The following EFNA2 variants were observed in gnomAD, a reference collection of about 807,000 sequenced individuals.
The protein encoded by EFNA2 is ephrin A2, also known as ephrin-A2.
In EFNA2, 18 loss-of-function variants were observed where a neutral mutation model predicts 19.7. The ratio of observed to expected loss-of-function variants is 0.91; its 90% CI spans 0.63 to 1.35. The LOEUF (loss-of-function observed/expected upper bound fraction) is 1.35, where lower values mean the gene tolerates loss of function less well. Ranked by LOEUF, EFNA2 falls within the 40% of genes most tolerant of loss-of-function variation. EFNA2 has a pLI of 0.00. For missense variants in EFNA2, 303 were observed against 296.0 expected, an observed-to-expected ratio of 1.02 and a Z score of -0.17; for synonymous variants, 187 against 137.8, an observed-to-expected ratio of 1.36 and a Z score of -2.50.
At chr19:1,289,619 G>A (rs1354468910) in intron 1 of EFNA2, among the ~76,000 whole-genome samples, 1 of 152,218 alleles carries the variant, frequency 6.6e-6, no homozygotes, top group Admixed American at 6.5e-5. Context: ...GGGGGCACTG[G>A]GTGGGCGCTT....
chr19:1,295,435 C>T lies in EFNA2; in HGVS notation c.141-110C>T, dbSNP rs576936350. 9.9e-4 allele frequency: 1,173 copies of T among 1,186,098 alleles called. No individual in the cohort carries two copies. The highest frequency in any genetic ancestry group is 1.1e-3 in the Non-Finnish European group (988 of 887,804). The allele number at this position is 1,186,098 out of a possible 1,614,324, so 73.5% of individuals were successfully genotyped here. Reference sequence around the variant, plus strand: ...TGACCCCGGCCCTCGCCGCGCACCCCGACCCGTCCCTCGTGCTCCTGTCCC... The same window carrying T: ...TGACCCCGGCCCTCGCCGCGCACCCTGACCCGTCCCTCGTGCTCCTGTCCC... On this transcript the variant is annotated intron_variant, in intron 1 of 3. Coordinates refer to ENST00000215368, the MANE Select transcript of EFNA2 (RefSeq NM_001405.4). This position sits in a 1 kb window ranked among gnomAD's most constrained non-coding sequence, Gnocchi z 5.8.
At position 1,296,120 on chromosome 19, in the gene EFNA2, T is replaced by C. The variant is rs555017839; in HGVS notation, c.454+262T>C. ...TCACTGACCCCCTCCAGATGTCAAG[T>C]GCATGATGGACGTGCCATTCTCCCA... On this transcript the variant is annotated intron_variant, in intron 2 of 3. Coordinates refer to ENST00000215368, the MANE Select transcript of EFNA2 (RefSeq NM_001405.4). This position sits in a 1 kb window ranked among gnomAD's most constrained non-coding sequence, Gnocchi z 4.4. Among the ~76,000 whole-genome samples the C allele has an allele frequency of 5.3e-5, 8 of 152,280 alleles. No individual in the cohort carries two copies. The highest frequency in any genetic ancestry group is 1.9e-4 in the African/African-American group (8 of 41,558).
chr19:1,300,040 G>C lies in EFNA2; in HGVS notation c.*95G>C, dbSNP rs2081533759. 2 of 1,438,874 alleles carry C rather than the reference G, an allele frequency of 1.4e-6. No homozygotes were observed. The highest frequency in any genetic ancestry group is 2.5e-5 in the Admixed American group (1 of 39,434). 89.1% of individuals were successfully genotyped at this position (1,438,874 alleles called of 1,614,324 possible). On this transcript the variant is annotated 3_prime_UTR_variant, in exon 4 of 4. Transcript: ENST00000215368. The stretch of plus-strand genomic sequence containing the variant: ...ACCCGGCTGCGGCCCCCGCCTCCGA[G>C]ACCAAATAGAGACGCTGCTTCTCCC...
In EFNA2 at chr19:1,299,911, C is replaced by T; in HGVS notation, c.608C>T (p.Thr203Ile). ...SPGGCRLFLS[T>I]IPVLWTLLGS ...GGCGGCTGCCGCCTCTTCCTCAGCA[C>T]CATCCCCGTGCTCTGGACCCTCCTG... Residue 203 changes from threonine to isoleucine, a missense_variant, in exon 4 of 4, where the codon ACC becomes ATC. By Grantham distance (89) the Thr-to-Ile change is moderately conservative. Coordinates refer to ENST00000215368, the MANE Select transcript of EFNA2 (RefSeq NM_001405.4). 1 of 1,605,134 alleles carries T rather than the reference C, an allele frequency of 6.2e-7. No homozygotes were observed. Among genetic ancestry groups the T allele is most frequent in the African/African-American group, 1.3e-5 (1 of 74,990 alleles).
rs2081513920 is a variant in EFNA2 at position 1,296,043 on chromosome 19, G to A, written c.454+185G>A. Among the ~76,000 whole-genome samples the A allele has an allele frequency of 6.6e-6, 1 of 150,930 alleles. No individual in the cohort carries two copies. Among genetic ancestry groups the A allele is most frequent in the Non-Finnish European group, 1.5e-5 (1 of 67,564 alleles). Reference sequence around the variant, plus strand: ...GCGGAATGGGGCCAGGGGGGAGTGGGCGGGGCCGCGGAGTGGGGCCAGGGC... The same window carrying A: ...GCGGAATGGGGCCAGGGGGGAGTGGACGGGGCCGCGGAGTGGGGCCAGGGC... On this transcript the variant is annotated intron_variant, in intron 2 of 3. Coordinates refer to ENST00000215368, the MANE Select transcript of EFNA2 (RefSeq NM_001405.4). The surrounding 1 kb of genome is among the most constrained non-coding windows in gnomAD (Gnocchi z 4.4).
In EFNA2 at chr19:1,287,456, C is replaced by A. The variant is rs1241717671; in HGVS notation, c.140+1148C>A. Among the ~76,000 whole-genome samples the A allele has an allele frequency of 6.6e-6, 1 of 152,194 alleles. No individual in the cohort carries two copies. The highest frequency in any genetic ancestry group is 1.5e-5 in the Non-Finnish European group (1 of 68,028). On this transcript the variant is annotated intron_variant, in intron 1 of 3. Transcript: ENST00000215368. The surrounding 1 kb of genome is among the most constrained non-coding windows in gnomAD (Gnocchi z 6.2). ...CTTCCTGTGCCGACCGAGCCGCCCT[C>A]TGGAGCCCGCCACCCCTCCTTGTCC...
chr19:1,295,919 C>A lies in EFNA2; in HGVS notation c.454+61C>A. 1 of 1,270,320 alleles carries A rather than the reference C, an allele frequency of 7.9e-7. No homozygotes were observed. The highest frequency in any genetic ancestry group is 1.1e-6 in the Non-Finnish European group (1 of 949,422). 78.7% of individuals were successfully genotyped at this position (1,270,320 alleles called of 1,614,324 possible). Reference sequence around the variant, plus strand: ...GTGGGCGGGGACGCGGGGGCGGGGCCAGGAAGTGGGCGGGACCACTGGGGT... The same window carrying A: ...GTGGGCGGGGACGCGGGGGCGGGGCAAGGAAGTGGGCGGGACCACTGGGGT... On this transcript the variant is annotated intron_variant, in intron 2 of 3. Transcript: ENST00000215368. This position sits in a 1 kb window ranked among gnomAD's most constrained non-coding sequence, Gnocchi z 5.8.
At position 1,299,820 on chromosome 19, in the gene EFNA2, G is replaced by T; in HGVS notation, c.521-4G>T. ...GCTGAGCGTGCTGTCTCTGCCACCC[G>T]CAGACGAGACCCTGTACGAGGCTCC... On this transcript the variant is annotated splice_polypyrimidine_tract_variant and splice_region_variant and intron_variant, in intron 3 of 3. Transcript: ENST00000215368. 1 of 1,598,056 alleles carries T rather than the reference G, an allele frequency of 6.3e-7. No homozygotes were observed. Among genetic ancestry groups the T allele is most frequent in the Non-Finnish European group, 8.5e-7 (1 of 1,175,758 alleles).
rs763370528 is a variant in EFNA2, at chr19:1,299,849, G to A, written c.546G>A (p.Glu182=). 2 of 1,604,184 alleles carry A rather than the reference G, an allele frequency of 1.2e-6. No individual in the cohort carries two copies. The highest frequency in any genetic ancestry group is 1.7e-6 in the Non-Finnish European group (2 of 1,177,784). The part of the protein sequence containing the change: ...PTNETLYEAP[E]PIFTSNNSCS... ...ACGAGACCCTGTACGAGGCTCCTGA[G>A]CCCATCTTCACCAGCAATAACTCGT... Residue 182 remains glutamate (E), a synonymous_variant, in exon 4 of 4, where the codon GAG becomes GAA. Transcript: ENST00000215368.
intron 1 of EFNA2, among the ~76,000 whole-genome samples, chr19:1,290,511 G>A (rs1193082807): frequency 2.6e-5 from 4 of 152,194 alleles, no homozygotes; most frequent in Admixed American, 6.5e-5. Context: ...TGGGTCCCTC[G>A]GGGTCACGGC....
chr19:1,298,649 C>A, intron 3 of EFNA2, 33 bp downstream of exon 3: 1 of 1,610,028 alleles, frequency 6.2e-7, no homozygotes. Flanking sequence ...AGGATCCAGG[C>A]CCCCACCCCT....
rs1487756166 is a variant in EFNA2 at position 1,286,356 on chromosome 19, C to G, written c.140+48C>G. ...GGCGCCCGGGGACCCCCCAACGCCCCCCAAGCCGCGCCCGGCCTCGCGCCC... is the reference window on the plus strand; with the variant it reads ...GGCGCCCGGGGACCCCCCAACGCCCGCCAAGCCGCGCCCGGCCTCGCGCCC... On this transcript the variant is annotated intron_variant, in intron 1 of 3. Coordinates refer to ENST00000215368, the MANE Select transcript of EFNA2 (RefSeq NM_001405.4). The surrounding 1 kb of genome is among the most constrained non-coding windows in gnomAD (Gnocchi z 5.6). 1.0e-6 allele frequency: 1 copy of G among 966,404 alleles called. No homozygotes were observed. The highest frequency in any genetic ancestry group is 1.2e-6 in the Non-Finnish European group (1 of 814,702). 59.9% of individuals were successfully genotyped at this position (966,404 alleles called of 1,614,324 possible).
Position 1,295,957 on chromosome 19 carries a change from TG to T in EFNA2, c.454+102del. The T allele has an allele frequency of 3.3e-6, 1 of 303,540 alleles. No homozygotes were observed. The highest frequency in any genetic ancestry group is 4.9e-5 in the South Asian group (1 of 20,320). 18.8% of individuals were successfully genotyped at this position (303,540 alleles called of 1,614,324 possible). ...GGACCACTGGGGTGGGGCCGGGGAG[TG>T]GGCGGGGCAGCGCAGTGGGCGGGGC... On this transcript the variant is annotated intron_variant, in intron 2 of 3. Transcript: ENST00000215368. This position sits in a 1 kb window ranked among gnomAD's most constrained non-coding sequence, Gnocchi z 5.8.
At chr19:1,285,614 C>A (rs1326165352), upstream of EFNA2, among the ~76,000 whole-genome samples, 4 of 151,968 alleles carry the variant, frequency 2.6e-5, no homozygotes, top group Admixed American at 2.6e-4. This position sits in a 1 kb window ranked among gnomAD's most constrained non-coding sequence, Gnocchi z 4.1. Flanking sequence ...AGGGCCGGGC[C>A]GGGTGGAGCG....
intron 1 of EFNA2, among the ~76,000 whole-genome samples, chr19:1,290,378 G>T (rs914539397): frequency 6.6e-6 from 1 of 152,194 alleles, no homozygotes; most frequent in Non-Finnish European, 1.5e-5. Flanking sequence ...CTCCCTGGGC[G>T]GCCTCAGTTT....
chr19:1,288,157 C>T (rs910471445), intron 1 of EFNA2, among the ~76,000 whole-genome samples: 1 of 152,238 alleles, frequency 6.6e-6, no homozygotes, highest in Non-Finnish European at 1.5e-5. Context: ...TTGCTGGGGA[C>T]GGAGCCGACA....
In EFNA2 at chr19:1,285,879, C is replaced by G. The variant is rs1039002063; in HGVS notation, c.-290C>G. ...CTCGGGCGGGACAAAGGCCGGAGCC[C>G]GGGCCCCTCCCCGGCGGGTGCGGCG... On this transcript the variant is annotated 5_prime_UTR_variant, in exon 1 of 4. Coordinates refer to ENST00000215368, the MANE Select transcript of EFNA2 (RefSeq NM_001405.4). The surrounding 1 kb of genome is among the most constrained non-coding windows in gnomAD (Gnocchi z 4.1). 6.8e-6 allele frequency among the ~76,000 whole-genome samples: 1 copy of G among 146,078 alleles called. No individual in the cohort carries two copies. Among genetic ancestry groups the G allele is most frequent in the South Asian group, 2.1e-4 (1 of 4,752 alleles).
At chr19:1,298,182 A>C (rs1437408147) in intron 2 of EFNA2, among the ~76,000 whole-genome samples, 1 of 151,400 alleles carries the variant, frequency 6.6e-6, no homozygotes, top group Non-Finnish European at 1.5e-5. Context: ...AGAGGCAGAG[A>C]TTTGAACCCA....
intron 1 of EFNA2, among the ~76,000 whole-genome samples, chr19:1,290,416 C>T (rs1356450116): frequency 6.6e-6 from 1 of 152,170 alleles, no homozygotes; most frequent in Admixed American, 6.5e-5. Flanking sequence ...GGTTCCGTGG[C>T]GGGGGGCCGT....
Sources: gnomAD v4.1 joint callset for allele counts (sites outside exome capture counted in the v4.1 genomes callset) on GRCh38, gnomAD v4.1.1 for gene constraint, Gnocchi (gnomAD v3.1) non-coding constraint, MANE v1.5 for transcripts, NCBI Gene and HGNC (gene_info 2026-07-23, HGNC 2026-07-21) for gene names.